Variants in KCNH8 observed in about 807,000 individuals in gnomAD.
The protein encoded by KCNH8 is potassium voltage-gated channel subfamily H member 8, also known as voltage-gated delayed rectifier potassium channel KCNH8.
In KCNH8, 70 loss-of-function variants were observed where a neutral mutation model predicts 103.6. The observed-to-expected ratio is 0.68, with a 90% CI of 0.56 to 0.82. KCNH8 has a LOEUF of 0.82. Among genes scored for constraint, KCNH8 ranks in the 40% least tolerant of loss-of-function variants. The pLI, the probability that KCNH8 is intolerant of heterozygous loss-of-function variation, is 0.00. For synonymous variants in KCNH8, 498 were observed against 489.4 expected (o/e 1.02, Z -0.23); for missense variants, 1,217 against 1,329.9 (o/e 0.92, Z 1.32).
At chr3:19,378,731 G>C (rs1286907869) in intron 5 of KCNH8, among the ~76,000 whole-genome samples, 1 of 152,182 alleles carries the variant, frequency 6.6e-6, no homozygotes, top group Non-Finnish European at 1.5e-5. Context: ...CATGAGAAAT[G>C]ATATGTTATG....
intron 5 of KCNH8, among the ~76,000 whole-genome samples, chr3:19,358,210 T>G (rs1296779923): frequency 6.6e-6 from 1 of 150,964 alleles, no homozygotes; most frequent in East Asian, 2.0e-4. Flanking sequence ...TTTCTTTCTC[T>G]TTCTCTTTCC....
chr3:19,366,736 C>T (rs911541213), intron 5 of KCNH8, among the ~76,000 whole-genome samples: 2 of 151,884 alleles, frequency 1.3e-5, no homozygotes, highest in African/African-American at 4.8e-5. Flanking sequence ...TTGTATTTTC[C>T]ATCTCAGTCC....
chr3:19,288,689 A>G (rs2125279762), intron 3 of KCNH8, among the ~76,000 whole-genome samples: 1 of 152,290 alleles, frequency 6.6e-6, no homozygotes, highest in Non-Finnish European at 1.5e-5. Flanking sequence ...CGCAATAAAC[A>G]TACGTGTACA....
At chr3:19,496,851 T>C (rs971911666) in intron 11 of KCNH8, among the ~76,000 whole-genome samples, 2 of 152,180 alleles carry the variant, frequency 1.3e-5, no homozygotes, top group African/African-American at 4.8e-5. Flanking sequence ...TGGCTTTTTA[T>C]TACTGTTTCA....
intron 1 of KCNH8, among the ~76,000 whole-genome samples, chr3:19,168,903 A>T (rs533929779): frequency 6.6e-6 from 1 of 152,314 alleles, no homozygotes; most frequent in Non-Finnish European, 1.5e-5. Context: ...CGGTTTTCAA[A>T]CTATCCTTCA....
intron 1 of KCNH8, among the ~76,000 whole-genome samples, chr3:19,231,935 A>G (rs2063999176): frequency 6.6e-6 from 1 of 152,204 alleles, no homozygotes; most frequent in Non-Finnish European, 1.5e-5. Context: ...AAATCAATAC[A>G]TCAAATTAAT....
At position 19,148,518 on chromosome 3, in the gene KCNH8, G is replaced by T; in HGVS notation, c.-202G>T. On this transcript the variant is annotated 5_prime_UTR_variant, in exon 1 of 16. Coordinates refer to ENST00000328405, the MANE Select transcript of KCNH8 (RefSeq NM_144633.3). ...GGGCGGGCTCGGGGAGCGCTCTTGGGGCTCCTCCTGCCACAGCCGGGGCGG... is the reference window on the plus strand; with the variant it reads ...GGGCGGGCTCGGGGAGCGCTCTTGGTGCTCCTCCTGCCACAGCCGGGGCGG... The T allele has an allele frequency of 1.7e-6, 1 of 596,784 alleles. No individual in the cohort carries two copies. The highest frequency in any genetic ancestry group is 3.0e-6 in the Non-Finnish European group (1 of 333,452). 37.0% of individuals were successfully genotyped at this position (596,784 alleles called of 1,614,324 possible). A position where few individuals can be genotyped will look rare whatever the true frequency, so the allele number is the denominator to read the frequency against.
chr3:19,434,081 A>C (rs1197053759), intron 7 of KCNH8, among the ~76,000 whole-genome samples: 1 of 152,224 alleles, frequency 6.6e-6, no homozygotes, highest in African/African-American at 2.4e-5. Flanking sequence ...TGTGGGGTAC[A>C]CAGGTGCTCT....
At chr3:19,297,049 A>G (rs2065005374) in intron 3 of KCNH8, among the ~76,000 whole-genome samples, 1 of 152,164 alleles carries the variant, frequency 6.6e-6, no homozygotes, top group Non-Finnish European at 1.5e-5. Flanking sequence ...ATGAAAGCAA[A>G]CACATTAGAG....
chr3:19,521,090 C>T (rs557216883), intron 15 of KCNH8, among the ~76,000 whole-genome samples: 56 of 152,000 alleles, frequency 3.7e-4, no homozygotes, highest in African/African-American at 1.3e-3. Context: ...AAAAATGTCA[C>T]AATAGGGCCA....
chr3:19,319,841 G>T (rs2065326283), intron 3 of KCNH8, among the ~76,000 whole-genome samples: 1 of 151,972 alleles, frequency 6.6e-6, no homozygotes, highest in Admixed American at 6.6e-5. Context: ...ATTTCTTTCA[G>T]CAGTGTTTTG....
At chr3:19,522,538 T>A (rs1297385977) in intron 15 of KCNH8, among the ~76,000 whole-genome samples, 1 of 151,906 alleles carries the variant, frequency 6.6e-6, no homozygotes, top group Non-Finnish European at 1.5e-5. Context: ...GGCAGTATGC[T>A]ATATTCAGTC....
intron 1 of KCNH8, among the ~76,000 whole-genome samples, chr3:19,155,477 T>C (rs1406739811): frequency 6.6e-6 from 1 of 152,160 alleles, no homozygotes; most frequent in Non-Finnish European, 1.5e-5. Flanking sequence ...TGATTTCCAT[T>C]AAAAACAATA....
intron 11 of KCNH8, among the ~76,000 whole-genome samples, chr3:19,509,496 T>C (rs567440286): frequency 4.3e-4 from 65 of 152,320 alleles, no homozygotes; most frequent in Non-Finnish European, 6.2e-4. Context: ...CCAGGACATG[T>C]CATAATTTCC....
At chr3:19,241,376 G>C (rs771389413) in intron 1 of KCNH8, among the ~76,000 whole-genome samples, 11 of 152,088 alleles carry the variant, frequency 7.2e-5, no homozygotes, top group Non-Finnish European at 1.2e-4. Context: ...GAGAGGAGAG[G>C]TGACTTGAGC....
At chr3:19,292,531 C>G (rs1417855573) in intron 3 of KCNH8, among the ~76,000 whole-genome samples, 1 of 152,140 alleles carries the variant, frequency 6.6e-6, no homozygotes, top group Non-Finnish European at 1.5e-5. Context: ...TGTGCATTGC[C>G]TTTAGCTACA....
At chr3:19,456,058 A>G (rs914829934) in intron 10 of KCNH8, among the ~76,000 whole-genome samples, 8 of 152,112 alleles carry the variant, frequency 5.3e-5, no homozygotes, top group African/African-American at 1.9e-4. Context: ...AAGTTTAGCA[A>G]TATTGACAAC....
chr3:19,490,558 G>A (rs1363517982), intron 11 of KCNH8, among the ~76,000 whole-genome samples: 2 of 152,300 alleles, frequency 1.3e-5, no homozygotes, highest in East Asian at 1.9e-4. Flanking sequence ...TTAGGTCAGG[G>A]GTCGATCTTT....
At chr3:19,186,247 A>T (rs77301498) in intron 1 of KCNH8, among the ~76,000 whole-genome samples, 6,262 of 151,274 alleles carry the variant, frequency 0.041, 467 homozygotes, top group African/African-American at 0.14. Context: ...GTATTCTCCC[A>T]TAGCTTTATT....
Sources: allele counts gnomAD v4.1 joint callset (sites outside exome capture counted in the v4.1 genomes callset), GRCh38; gene constraint gnomAD v4.1.1; transcripts MANE v1.5; gene names NCBI Gene and HGNC (gene_info 2026-07-23, HGNC 2026-07-21).